The following PACS1 variants were observed in gnomAD, a reference collection of about 807,000 sequenced individuals.
PACS1 encodes the protein phosphofurin acidic cluster sorting protein 1, also known as PACS-1.
In PACS1, 24 loss-of-function variants were observed where a neutral mutation model predicts 115.0. The observed-to-expected ratio is 0.21, with a 90% confidence interval of 0.15 to 0.29. The LOEUF (loss-of-function observed/expected upper bound fraction) is 0.29. Among genes scored for constraint, PACS1 ranks in the 10% least tolerant of loss-of-function variants. The pLI is 1.00. For synonymous variants in PACS1, 453 were observed against 504.5 expected (o/e 0.90, Z 1.37); for missense variants, 838 against 1,251.2 (o/e 0.67, Z 4.98).
intron 2 of PACS1, among the ~76,000 whole-genome samples, chr11:66,206,298 G>A (rs533927082): frequency 6.6e-6 from 1 of 152,148 alleles, no homozygotes; most frequent in Non-Finnish European, 1.5e-5. Context: ...ATAAACAAAT[G>A]ATACAAAAGT....
At chr11:66,106,274 T>TA (rs1395318245) in intron 1 of PACS1, among the ~76,000 whole-genome samples, 1 of 150,854 alleles carries the variant, frequency 6.6e-6, no homozygotes, top group Non-Finnish European at 1.5e-5. Flanking sequence ...AAATGAAAAA[T>TA]AAAAAATACA....
At chr11:66,085,132 T>C (rs926587099) in intron 1 of PACS1, among the ~76,000 whole-genome samples, 3 of 152,244 alleles carry the variant, frequency 2.0e-5, no homozygotes, top group Non-Finnish European at 2.9e-5. Context: ...CGCAGCGAAA[T>C]AGAAAAGTCC....
chr11:66,123,914 A>G (rs1858508932), intron 1 of PACS1, among the ~76,000 whole-genome samples: 1 of 151,928 alleles, frequency 6.6e-6, no homozygotes, highest in South Asian at 2.1e-4. Flanking sequence ...TAACTTTTAT[A>G]TGCACCGGGA....
intron 1 of PACS1, among the ~76,000 whole-genome samples, chr11:66,162,775 AAT>A (rs1859521683): frequency 6.6e-6 from 1 of 152,250 alleles, no homozygotes; most frequent in African/African-American, 2.4e-5. Context: ...CATATGCAAA[AAT>A]ATATTTGCTA....
intron 1 of PACS1, among the ~76,000 whole-genome samples, chr11:66,077,730 T>G (rs1857421082): frequency 6.7e-6 from 1 of 149,216 alleles, no homozygotes; most frequent in Non-Finnish European, 1.5e-5. Flanking sequence ...GAGACGGAGT[T>G]TTGCTCTTGT....
intron 1 of PACS1, among the ~76,000 whole-genome samples, chr11:66,118,400 C>T (rs1360592325): frequency 6.6e-6 from 1 of 151,816 alleles, no homozygotes; most frequent in Non-Finnish European, 1.5e-5. Flanking sequence ...TTGCTTGAGC[C>T]CAGGAGCTCA....
chr11:66,228,586 C>T (rs1316606132), intron 11 of PACS1, among the ~76,000 whole-genome samples: 1 of 152,288 alleles, frequency 6.6e-6, no homozygotes, highest in East Asian at 1.9e-4. Flanking sequence ...CTGATTAAAA[C>T]TCTTCAGTGA....
At chr11:66,085,733 C>G (rs567899489) in intron 1 of PACS1, among the ~76,000 whole-genome samples, 3 of 152,078 alleles carry the variant, frequency 2.0e-5, no homozygotes, top group African/African-American at 7.2e-5. Flanking sequence ...AAATAAAATT[C>G]CCAGATAAAA....
intron 4 of PACS1, among the ~76,000 whole-genome samples, chr11:66,215,609 T>TA (rs1353738542): frequency 6.9e-6 from 1 of 144,512 alleles, no homozygotes; most frequent in Non-Finnish European, 1.5e-5. Context: ...TTAATAATAA[T>TA]AAAAAACAGG....
chr11:66,197,024 TTTTTTATATTGTATAATATG>T (rs1407336077), intron 2 of PACS1, among the ~76,000 whole-genome samples: 1 of 152,246 alleles, frequency 6.6e-6, no homozygotes, highest in Non-Finnish European at 1.5e-5. Context: ...ACATTTTTAG[TTTTTTATATTGTATAATATG>T]TAACATTTGA....
intron 1 of PACS1, among the ~76,000 whole-genome samples, chr11:66,155,752 A>C (rs1395149842): frequency 6.6e-6 from 1 of 152,202 alleles, no homozygotes; most frequent in Non-Finnish European, 1.5e-5. Flanking sequence ...GAGAGGAATG[A>C]AAACGCAGAG....
intron 1 of PACS1, among the ~76,000 whole-genome samples, chr11:66,081,188 G>A (rs1306720256): frequency 6.6e-6 from 1 of 151,740 alleles, no homozygotes; most frequent in African/African-American, 2.4e-5. Flanking sequence ...AGCTGTGTTC[G>A]CACTACTGCA....
At chr11:66,117,904 T>C (rs1298120174) in intron 1 of PACS1, among the ~76,000 whole-genome samples, 2 of 152,190 alleles carry the variant, frequency 1.3e-5, no homozygotes, top group East Asian at 3.8e-4. Context: ...GTGATAATGA[T>C]GCGGTAGACT....
At position 66,171,105 on chromosome 11, in the gene PACS1, A is replaced by G. The variant is rs540827138; in HGVS notation, c.357-22381A>G. ...TTAATTATCAATTACTAAGAGAGGTATGTTAAAATATGCCCCTCTGATAAG... is the reference window on the plus strand; with the variant it reads ...TTAATTATCAATTACTAAGAGAGGTGTGTTAAAATATGCCCCTCTGATAAG... On this transcript the variant is annotated intron_variant, in intron 1 of 23. Coordinates refer to ENST00000320580, the MANE Select transcript of PACS1 (RefSeq NM_018026.4). 6.6e-5 allele frequency among the ~76,000 whole-genome samples: 10 copies of G among 150,464 alleles called. 1 individual carries two copies. Among genetic ancestry groups the G allele is most frequent in the African/African-American group, 2.5e-4 (10 of 39,874 alleles).
chr11:66,210,007 C>T (rs909955175), intron 2 of PACS1, among the ~76,000 whole-genome samples: 1 of 151,514 alleles, frequency 6.6e-6, no homozygotes, highest in Non-Finnish European at 1.5e-5. Flanking sequence ...GGTGACACAG[C>T]TTTGACAGAT....
In PACS1 at chr11:66,233,201, G is replaced by C; in HGVS notation, c.1838+135G>C. On this transcript the variant is annotated intron_variant, in intron 15 of 23. Transcript: ENST00000320580. This position sits in a 1 kb window ranked among gnomAD's most constrained non-coding sequence, Gnocchi z 4.5. ...ATTTGCAGAGGGGCGTATGTTTAGG[G>C]GGGTGGCGGCAGCAGGCTGTAGGGC... 3.1e-6 allele frequency: 2 copies of C among 646,458 alleles called. No individual in the cohort carries two copies. Among genetic ancestry groups the C allele is most frequent in the South Asian group, 4.0e-5 (2 of 50,390 alleles). 40.0% of individuals were successfully genotyped at this position (646,458 alleles called of 1,614,324 possible). A position where few individuals can be genotyped will look rare whatever the true frequency, so the allele number is the denominator to read the frequency against.
intron 2 of PACS1, among the ~76,000 whole-genome samples, chr11:66,199,389 T>G (rs1336064155): frequency 1.3e-5 from 2 of 152,142 alleles, no homozygotes; most frequent in Non-Finnish European, 2.9e-5. Context: ...TTTGCTTCTT[T>G]GTTTTTTGTT....
At chr11:66,131,262 T>C (rs1375805146) in intron 1 of PACS1, among the ~76,000 whole-genome samples, 1 of 152,204 alleles carries the variant, frequency 6.6e-6, no homozygotes, top group Non-Finnish European at 1.5e-5. Context: ...GTGCAGTCCT[T>C]AGTATTTGAC....
At chr11:66,185,564 G>A (rs188396149) in intron 1 of PACS1, among the ~76,000 whole-genome samples, 8 of 152,272 alleles carry the variant, frequency 5.3e-5, no homozygotes, top group Non-Finnish European at 2.9e-5. Flanking sequence ...TGAAAAGGAC[G>A]GGAGGGGAGT....
Sources: allele counts gnomAD v4.1 joint callset (sites outside exome capture counted in the v4.1 genomes callset), GRCh38; gene constraint gnomAD v4.1.1; non-coding constraint Gnocchi (gnomAD v3.1); transcripts MANE v1.5; gene names NCBI Gene and HGNC (gene_info 2026-07-23, HGNC 2026-07-21).